The following CD247 variants were observed in gnomAD, a reference collection of about 807,000 sequenced individuals.
CD247 encodes the protein T-cell surface glycoprotein CD3 zeta chain.
Under a neutral mutation model 30.0 loss-of-function variants are expected in CD247, and 13 were observed. The observed-to-expected ratio is 0.43, with a 90% CI of 0.28 to 0.69. The LOEUF (loss-of-function observed/expected upper bound fraction) is 0.69, where lower values mean the gene tolerates loss of function less well. Ranked by LOEUF, CD247 falls within the 30% of genes least tolerant of loss-of-function variation. The probability of loss-of-function intolerance (pLI) is 0.16; values close to 1 mark genes in which losing one functional copy is unlikely to be tolerated. For synonymous variants in CD247, 72 were observed against 80.0 expected (o/e 0.90, Z 0.53); for missense variants, 193 against 212.6 (o/e 0.91, Z 0.57).
intron 1 of CD247, among the ~76,000 whole-genome samples, chr1:167,503,517 T>C (rs1249651352): frequency 6.6e-6 from 1 of 152,172 alleles, no homozygotes; most frequent in East Asian, 1.9e-4. Flanking sequence ...CAGACAGAAG[T>C]TTTGGAAAAG....
Position 167,439,376 on chromosome 1 carries a change from C to T in CD247, c.187G>A (p.Ala63Thr). 1 of 1,614,160 alleles carries T rather than the reference C, an allele frequency of 6.2e-7. No homozygotes were observed. The highest frequency in any genetic ancestry group is 8.5e-7 in the Non-Finnish European group (1 of 1,179,990). ...AGCTGGTTCTGGCCCTGCTGGTACG[C>T]GGGGGCGTCTGCGCTCCTGCTGAAC... ...VKFSRSADAP[A>T]YQQGQNQLYN... The change falls in exon 3 of 8, where the codon GCG becomes ACG. Residue 63 changes from alanine (A) to threonine (T), a missense_variant. By Grantham distance (58) the Ala-to-Thr change is moderately conservative (BLOSUM62 0). Coordinates refer to ENST00000362089, the MANE Select transcript of CD247 (RefSeq NM_198053.3).
chr1:167,450,093 T>A (rs991801170), intron 1 of CD247, among the ~76,000 whole-genome samples: 5 of 152,212 alleles, frequency 3.3e-5, no homozygotes, highest in Admixed American at 1.3e-4. Context: ...TACATAACCA[T>A]TCCCCATTGG....
In CD247 at chr1:167,500,742, A is replaced by C. The variant is rs1654864025; in HGVS notation, c.58+17666T>G. ...TCAGAGAATAACAGCAAATGCTTTT[A>C]TCGCTCAGGCAGCTCAATCACATTT... On this transcript the variant is annotated intron_variant, in intron 1 of 7. Transcript: ENST00000362089. 1.3e-5 allele frequency among the ~76,000 whole-genome samples: 2 copies of C among 152,244 alleles called. 1 individual carries two copies. The highest frequency in any genetic ancestry group is 2.9e-5 in the Non-Finnish European group (2 of 68,044).
chr1:167,513,081 A>G (rs1655461584), intron 1 of CD247, among the ~76,000 whole-genome samples: 1 of 152,246 alleles, frequency 6.6e-6, no homozygotes, highest in Non-Finnish European at 1.5e-5. Context: ...GATTAGCTAA[A>G]ATAACAAAAA....
chr1:167,516,182 A>G (rs1190690568), intron 1 of CD247, among the ~76,000 whole-genome samples: 1 of 152,236 alleles, frequency 6.6e-6, no homozygotes, highest in African/African-American at 2.4e-5. Context: ...CTGATAAAAG[A>G]CAAACACCAC....
At chr1:167,477,341 T>C (rs1180606101) in intron 1 of CD247, among the ~76,000 whole-genome samples, 1 of 152,204 alleles carries the variant, frequency 6.6e-6, no homozygotes, top group Non-Finnish European at 1.5e-5. Flanking sequence ...CAAATTCCAG[T>C]GGTCAGTGCC....
chr1:167,501,919 C>T (rs1264637126), intron 1 of CD247, among the ~76,000 whole-genome samples: 1 of 152,236 alleles, frequency 6.6e-6, no homozygotes, highest in Non-Finnish European at 1.5e-5. Flanking sequence ...GCTCTGCCCG[C>T]TTGAATTGCC....
At chr1:167,467,487 G>A (rs1342142684) in intron 1 of CD247, among the ~76,000 whole-genome samples, 1 of 152,112 alleles carries the variant, frequency 6.6e-6, no homozygotes, top group Non-Finnish European at 1.5e-5. Context: ...TCTTTGCCTC[G>A]GTGACTCAGA....
chr1:167,490,871 G>A (rs934965008), intron 1 of CD247, among the ~76,000 whole-genome samples: 2 of 151,974 alleles, frequency 1.3e-5, no homozygotes, highest in African/African-American at 2.4e-5. Context: ...ATGGGAGGCC[G>A]AGATTGCAGT....
Position 167,431,438 on chromosome 1 carries a change from C to A in CD247, c.*243G>T, listed in dbSNP as rs887695471. 1.8e-5 allele frequency: 10 copies of A among 560,394 alleles called. No homozygotes were observed. Among genetic ancestry groups the A allele is most frequent in the African/African-American group, 1.3e-4 (7 of 52,110 alleles). The allele number at this position is 560,394 out of a possible 1,614,324, so 34.7% of individuals were successfully genotyped here. A position where few individuals can be genotyped will look rare whatever the true frequency, so the allele number is the denominator to read the frequency against. ...CGCCAGGAGACAGGTCTACCTGCAC[C>A]ACCGGCAAACCAGAGGGCCCAAGGC... On this transcript the variant is annotated 3_prime_UTR_variant, in exon 8 of 8. Coordinates refer to ENST00000362089, the MANE Select transcript of CD247 (RefSeq NM_198053.3).
Position 167,440,678 on chromosome 1 carries a change from A to T in CD247, c.148T>A (p.Phe50Ile). 6.2e-7 allele frequency: 1 copy of T among 1,612,270 alleles called. No individual in the cohort carries two copies. The highest frequency in any genetic ancestry group is 1.1e-5 in the South Asian group (1 of 91,020). ...GTGGTACCCACCTTCACTCTCAGGAACAAGGCAGTGAGAATGACACCATAG... is the reference window on the plus strand; with the variant it reads ...GTGGTACCCACCTTCACTCTCAGGATCAAGGCAGTGAGAATGACACCATAG... The part of the protein sequence containing the change: ...FIYGVILTAL[F>I]LRVKFSRSAD... Residue 50 changes from phenylalanine to isoleucine, a missense_variant, in exon 2 of 8, where the codon TTC becomes ATC. Coordinates refer to ENST00000362089, the MANE Select transcript of CD247 (RefSeq NM_198053.3).
intron 2 of CD247, 195 bp downstream of exon 2, chr1:167,440,469 C>T: frequency 1.6e-6 from 1 of 644,352 alleles, no homozygotes; most frequent in South Asian, 1.8e-5. Flanking sequence ...CCCTCCTACC[C>T]TGTCCATCTC....
At chr1:167,480,954 G>A (rs1483742327) in intron 1 of CD247, among the ~76,000 whole-genome samples, 2 of 152,122 alleles carry the variant, frequency 1.3e-5, no homozygotes, top group East Asian at 1.9e-4. Context: ...TCTTAGATTC[G>A]CTTTCTAGTA....
intron 1 of CD247, among the ~76,000 whole-genome samples, chr1:167,507,752 C>T (rs1655206044): frequency 6.6e-6 from 1 of 151,880 alleles, no homozygotes; most frequent in Admixed American, 6.6e-5. Context: ...GGTAGGATTG[C>T]TTGAGCCCAG....
At position 167,436,736 on chromosome 1, in the gene CD247, A is replaced by C. The variant is rs1276427871; in HGVS notation, c.301-1302T>G. On this transcript the variant is annotated intron_variant, in intron 4 of 7. Transcript: ENST00000362089. ...AGAGACATATGAAAAAATGCTTAACATCACTAACCATTAGGGAGATAAAAA... is the reference window on the plus strand; with the variant it reads ...AGAGACATATGAAAAAATGCTTAACCTCACTAACCATTAGGGAGATAAAAA... Among the ~76,000 whole-genome samples the C allele has an allele frequency of 3.3e-5, 5 of 152,236 alleles. No homozygotes were observed. In the South Asian group the frequency reaches 6.2e-4, roughly 19 times the overall value.
At chr1:167,507,885 T>C (rs1366801886) in intron 1 of CD247, among the ~76,000 whole-genome samples, 1 of 151,904 alleles carries the variant, frequency 6.6e-6, no homozygotes, top group Non-Finnish European at 1.5e-5. Flanking sequence ...TCTTGGCATA[T>C]AGGAGCCATT....
At chr1:167,471,621 A>C (rs1653524491) in intron 1 of CD247, among the ~76,000 whole-genome samples, 1 of 151,882 alleles carries the variant, frequency 6.6e-6, no homozygotes, top group Non-Finnish European at 1.5e-5. Context: ...TGTGTTTTAG[A>C]GATGGGGGTC....
rs984740029 is a variant in CD247 at position 167,431,716 on chromosome 1, C to T, written c.460G>A (p.Asp154Asn). Residue 154 changes from aspartate (D) to asparagine (N), a missense_variant, in exon 8 of 8, where the codon GAC (aspartate) becomes AAC (asparagine). Coordinates refer to ENST00000362089, the MANE Select transcript of CD247 (RefSeq NM_198053.3). ...GLSTATKDTY[D>N]ALHMQALPPR ...GGCAGGGCCTGCATGTGAAGGGCGT[C>T]GTAGGTGTCCTTGGTGGCTGTACTG... is the stretch of plus-strand genomic sequence containing the variant. 1.2e-6 allele frequency: 2 copies of T among 1,614,110 alleles called. No homozygotes were observed. The highest frequency in any genetic ancestry group is 1.3e-5 in the African/African-American group (1 of 75,036).
At chr1:167,480,396 C>G (rs538557606) in intron 1 of CD247, among the ~76,000 whole-genome samples, 1 of 152,176 alleles carries the variant, frequency 6.6e-6, no homozygotes, top group Non-Finnish European at 1.5e-5. Flanking sequence ...GCAGCATGCA[C>G]GCTACTGGTA....
Sources: allele counts gnomAD v4.1 joint callset (sites outside exome capture counted in the v4.1 genomes callset), GRCh38; gene constraint gnomAD v4.1.1; transcripts MANE v1.5; gene names NCBI Gene and HGNC (gene_info 2026-07-23, HGNC 2026-07-21).